The following TNPO1 variants were observed in gnomAD, a reference collection of about 807,000 sequenced individuals.
TNPO1 encodes transportin-1.
In TNPO1, 8 loss-of-function variants were observed where a neutral mutation model predicts 119.5. The observed-to-expected ratio is 0.07, with a 90% CI of 0.04 to 0.12. The LOEUF is 0.12. TNPO1 is among the 10% of genes least tolerant of loss of function. TNPO1 has a pLI of 1.00. For missense variants in TNPO1, 576 were observed against 1,089.8 expected, an observed-to-expected ratio of 0.53 and a Z score of 6.64; for synonymous variants, 362 against 363.0, an observed-to-expected ratio of 1.00 and a Z score of 0.03.
intron 7 of TNPO1, among the ~76,000 whole-genome samples, chr5:72,873,574 T>C (rs1380265012): frequency 1.3e-5 from 2 of 152,170 alleles, no homozygotes; most frequent in African/African-American, 4.8e-5. Flanking sequence ...TACTGACTAC[T>C]ACCTACTATG....
At chr5:72,900,804 G>T in intron 21 of TNPO1, 170 bp from the exon 22 acceptor site, 1 of 418,430 alleles carries the variant, frequency 2.4e-6, no homozygotes. Flanking sequence ...AGATAAGATG[G>T]GCCCAACAAA....
At chr5:72,818,836 A>G (rs982928568) in intron 1 of TNPO1, among the ~76,000 whole-genome samples, 1 of 152,240 alleles carries the variant, frequency 6.6e-6, no homozygotes, top group Admixed American at 6.5e-5. Context: ...GAACAATGCC[A>G]TCCTCAAAGA....
intron 2 of TNPO1, 37 bp downstream of exon 2, chr5:72,848,535 T>G: frequency 2.2e-6 from 3 of 1,393,138 alleles, no homozygotes; most frequent in Non-Finnish European, 2.9e-6. Context: ...CCCGCGCAGC[T>G]CGCCCCGCGC....
intron 1 of TNPO1, among the ~76,000 whole-genome samples, chr5:72,830,323 A>G (rs1478073949): frequency 1.3e-5 from 2 of 152,170 alleles, no homozygotes; most frequent in Non-Finnish European, 1.5e-5. Context: ...AGCTAGGGCA[A>G]AATTGTCATT....
At chr5:72,888,700 C>T (rs1748836267) in intron 13 of TNPO1, among the ~76,000 whole-genome samples, 1 of 152,220 alleles carries the variant, frequency 6.6e-6, no homozygotes, top group East Asian at 1.9e-4. Context: ...GGCAGGACTC[C>T]TACTCTTGAA....
intron 4 of TNPO1, among the ~76,000 whole-genome samples, chr5:72,859,612 CTG>C (rs1182188769): frequency 6.6e-6 from 1 of 152,132 alleles, no homozygotes; most frequent in Non-Finnish European, 1.5e-5. Context: ...ATCTGAATGA[CTG>C]TGGGGTAATT....
intron 6 of TNPO1, 96 bp from the exon 7 acceptor site, chr5:72,872,543 A>G: frequency 1.3e-6 from 1 of 758,672 alleles, no homozygotes; most frequent in Non-Finnish European, 2.1e-6. Context: ...TGATAGACAT[A>G]TCATAATATT....
intron 3 of TNPO1, among the ~76,000 whole-genome samples, chr5:72,854,891 TAAC>T: frequency 6.6e-6 from 1 of 152,324 alleles, no homozygotes; most frequent in Admixed American, 6.5e-5. Context: ...TGATATAAAT[TAAC>T]AGCAATTATA....
intron 20 of TNPO1, among the ~76,000 whole-genome samples, chr5:72,899,008 C>T (rs1277167083): frequency 6.6e-6 from 1 of 151,956 alleles, no homozygotes; most frequent in East Asian, 1.9e-4. Flanking sequence ...CATGTACGTA[C>T]CTTTGAATTG....
intron 11 of TNPO1, 71 bp downstream of exon 11, chr5:72,883,303 G>A (rs1192499203): frequency 1.3e-6 from 1 of 746,142 alleles, no homozygotes; most frequent in Admixed American, 2.1e-5. Context: ...TTCATCTACT[G>A]TACAGTTTAC....
intron 2 of TNPO1, among the ~76,000 whole-genome samples, chr5:72,850,616 C>A (rs1745470199): frequency 6.6e-6 from 1 of 152,182 alleles, no homozygotes; most frequent in Non-Finnish European, 1.5e-5. Flanking sequence ...CAGCTGCCTC[C>A]CGACAGCGAT....
chr5:72,891,514 A>G (rs2112455381), intron 14 of TNPO1, among the ~76,000 whole-genome samples: 1 of 152,230 alleles, frequency 6.6e-6, no homozygotes, highest in Admixed American at 6.5e-5. Context: ...TTTTTTAAGT[A>G]ATAGATTTTG....
chr5:72,826,909 A>C (rs1561292116), intron 1 of TNPO1, among the ~76,000 whole-genome samples: 1 of 152,126 alleles, frequency 6.6e-6, no homozygotes, highest in Non-Finnish European at 1.5e-5. Flanking sequence ...TCTTTTTTTT[A>C]GCAATGAGAA....
intron 5 of TNPO1, among the ~76,000 whole-genome samples, 168 bp downstream of exon 5, chr5:72,862,082 CT>C (rs1554051092): frequency 6.6e-6 from 1 of 152,186 alleles, no homozygotes; most frequent in Non-Finnish European, 1.5e-5. Context: ...ATTTATTTTT[CT>C]ATAAAAACTG....
intron 11 of TNPO1, among the ~76,000 whole-genome samples, chr5:72,883,918 GTT>G (rs956038742): frequency 7.2e-6 from 1 of 138,566 alleles, no homozygotes; most frequent in Admixed American, 7.3e-5. Context: ...ATGAATTTTT[GTT>G]TTTTTTTTTT....
At position 72,893,358 on chromosome 5, in the gene TNPO1, A is replaced by T. The variant is rs769076684; in HGVS notation, c.1897-19A>T. 4 of 1,609,878 alleles carry T rather than the reference A, an allele frequency of 2.5e-6. No homozygotes were observed. Among genetic ancestry groups the T allele is most frequent in the African/African-American group, 1.3e-5 (1 of 74,634 alleles). The stretch of plus-strand genomic sequence containing the variant: ...TTAATTAAAACCAAACTTACAAAAA[A>T]CATTGTGTCTAATTTCAGCTAAACA... On this transcript the variant is annotated intron_variant, in intron 16 of 24. Coordinates refer to ENST00000337273, the MANE Select transcript of TNPO1 (RefSeq NM_002270.4).
At chr5:72,843,808 T>G (rs563863834) in intron 1 of TNPO1, among the ~76,000 whole-genome samples, 1 of 152,292 alleles carries the variant, frequency 6.6e-6, no homozygotes, top group South Asian at 2.1e-4. Flanking sequence ...AAATTTTAAT[T>G]GAACCAGATG....
intron 1 of TNPO1, among the ~76,000 whole-genome samples, chr5:72,823,695 C>G (rs1478717002): frequency 2.6e-5 from 4 of 152,076 alleles, no homozygotes; most frequent in Non-Finnish European, 5.9e-5. Flanking sequence ...GATCCCTTTC[C>G]TTGCTCTTTG....
chr5:72,878,752 C>T, intron 9 of TNPO1: 2 of 259,530 alleles, frequency 7.7e-6, no homozygotes, highest in Non-Finnish European at 1.5e-5. Context: ...GTTTGAGTTT[C>T]TGTGGGGTCA....
Sources: allele counts gnomAD v4.1 joint callset (sites outside exome capture counted in the v4.1 genomes callset), GRCh38; gene constraint gnomAD v4.1.1; transcripts MANE v1.5; gene names NCBI Gene and HGNC (gene_info 2026-07-23, HGNC 2026-07-21).